GPC6: variants seen among roughly 807,000 people sequenced by gnomAD.
GPC6 encodes the protein glypican 6.
A neutral mutation model predicts 55.2 loss-of-function variants in GPC6; 14 were observed. The ratio of observed to expected loss-of-function variants is 0.25; its 90% CI spans 0.17 to 0.40. The LOEUF (loss-of-function observed/expected upper bound fraction) is 0.40. Among genes scored for constraint, GPC6 ranks in the 10% least tolerant of loss-of-function variants. GPC6 has a pLI of 1.00. For missense variants in GPC6, 641 were observed against 708.5 expected, an observed-to-expected ratio of 0.90 and a Z score of 1.08; for synonymous variants, 278 against 259.6, an observed-to-expected ratio of 1.07 and a Z score of -0.68.
intron 4 of GPC6, among the ~76,000 whole-genome samples, chr13:94,272,324 C>A (rs1453207331): frequency 6.6e-6 from 1 of 152,034 alleles, no homozygotes; most frequent in Non-Finnish European, 1.5e-5. Context: ...GGTTTATTAA[C>A]TTTTAGGGCA....
At chr13:94,188,619 A>C (rs553929658) in intron 4 of GPC6, among the ~76,000 whole-genome samples, 1 of 152,296 alleles carries the variant, frequency 6.6e-6, no homozygotes, top group South Asian at 2.1e-4. Context: ...GACGGGAGCC[A>C]TGGTGGATGC....
intron 2 of GPC6, among the ~76,000 whole-genome samples, chr13:93,564,072 T>C (rs571267126): frequency 1.8e-4 from 28 of 152,200 alleles, no homozygotes; most frequent in African/African-American, 6.7e-4. Flanking sequence ...TAGCTCACAT[T>C]TTTCACACAA....
intron 4 of GPC6, among the ~76,000 whole-genome samples, chr13:94,189,885 G>A (rs1205360025): frequency 2.0e-5 from 3 of 152,114 alleles, no homozygotes; most frequent in African/African-American, 7.2e-5. Context: ...GCCAGGCGTG[G>A]TGGCGGGCGC....
intron 1 of GPC6, among the ~76,000 whole-genome samples, chr13:93,473,525 G>A (rs1041475842): frequency 1.2e-4 from 18 of 152,216 alleles, no homozygotes; most frequent in Non-Finnish European, 1.5e-5. Context: ...CCCTGAGGGT[G>A]CAGAATCCAG....
Position 93,295,627 on chromosome 13 carries a change from C to T in GPC6, c.160+68011C>T, listed in dbSNP as rs536028921. ...TCCCAAGTAGCTGGGACTATAGGCG[C>T]CTGCTACTGCGCTCGGGTAATTTTT... On this transcript the variant is annotated intron_variant, in intron 1 of 8. Transcript: ENST00000377047. Among the ~76,000 whole-genome samples the T allele has an allele frequency of 3.9e-5, 6 of 151,952 alleles. No individual in the cohort carries two copies. In the East Asian group the frequency reaches 9.7e-4, roughly 25 times the overall value.
chr13:93,653,575 CGTGTGT>C (rs55845007), intron 2 of GPC6, among the ~76,000 whole-genome samples: 7,331 of 145,428 alleles, frequency 0.05, 346 homozygotes, highest in East Asian at 0.28. Context: ...AGTATATGGC[CGTGTGT>C]GTGTGTGTGT....
At chr13:93,608,827 A>G (rs1175168423) in intron 2 of GPC6, among the ~76,000 whole-genome samples, 1 of 152,304 alleles carries the variant, frequency 6.6e-6, no homozygotes, top group Admixed American at 6.5e-5. Flanking sequence ...CAATTCTGCA[A>G]ATGTCCCCAA....
intron 1 of GPC6, among the ~76,000 whole-genome samples, chr13:93,231,363 A>G (rs1447659691): frequency 8.8e-4 from 14 of 15,842 alleles, no homozygotes; most frequent in African/African-American, 3.3e-3. Context: ...ATATATACGT[A>G]TATATATATA....
chr13:94,187,422 A>G (rs1889237984), intron 4 of GPC6: 1 of 152,216 alleles, frequency 6.6e-6, no homozygotes, highest in South Asian at 2.1e-4. Flanking sequence ...GAGGCCACGT[A>G]ACCCAATATT....
intron 2 of GPC6, among the ~76,000 whole-genome samples, chr13:93,815,852 G>A (rs1886831692): frequency 6.6e-6 from 1 of 151,802 alleles, no homozygotes; most frequent in African/African-American, 2.4e-5. Context: ...ATTTTTTCCT[G>A]TTGATAGATT....
intron 3 of GPC6, among the ~76,000 whole-genome samples, chr13:93,920,689 T>C (rs1162162764): frequency 1.3e-5 from 2 of 152,192 alleles, no homozygotes; most frequent in African/African-American, 4.8e-5. Context: ...CTAATCCTCC[T>C]TCGTCTTCCC....
In GPC6 at chr13:93,542,336, A is replaced by G. The variant is rs1594250186; in HGVS notation, c.161-2927A>G. ...TTTGTCAAAGATCAGATAGTTGTAGATATGCGGCATTATTTCTGAGGGCTC... is the reference window on the plus strand; with the variant it reads ...TTTGTCAAAGATCAGATAGTTGTAGGTATGCGGCATTATTTCTGAGGGCTC... On this transcript the variant is annotated intron_variant, in intron 1 of 8. Coordinates refer to ENST00000377047, the MANE Select transcript of GPC6 (RefSeq NM_005708.5). Among the ~76,000 whole-genome samples the G allele has an allele frequency of 2.0e-5, 3 of 151,998 alleles. No homozygotes were observed. The South Asian group carries it at 6.2e-4, about 32-fold the overall frequency.
chr13:93,646,330 A>G (rs1313839941), intron 2 of GPC6, among the ~76,000 whole-genome samples: 1 of 152,160 alleles, frequency 6.6e-6, no homozygotes, highest in Non-Finnish European at 1.5e-5. Context: ...TTTTCATTAT[A>G]AAGTGAAGAC....
intron 4 of GPC6, among the ~76,000 whole-genome samples, chr13:94,206,437 T>A (rs1427763580): frequency 6.6e-6 from 1 of 152,214 alleles, no homozygotes; most frequent in African/African-American, 2.4e-5. Flanking sequence ...AATTTTCTAT[T>A]AAGATTAGCA....
In GPC6 at chr13:93,250,250, A is replaced by G. The variant is rs540989117; in HGVS notation, c.160+22634A>G. 2.5e-4 allele frequency among the ~76,000 whole-genome samples: 38 copies of G among 152,316 alleles called. 1 individual carries two copies. In the South Asian group the frequency reaches 7.5e-3, roughly 30 times the overall value. ...GCTGTACACATGCTTGTCAATTAAC[A>G]CAGAGTAGAGGAGGAAATAAATCTC... On this transcript the variant is annotated intron_variant, in intron 1 of 8. Coordinates refer to ENST00000377047, the MANE Select transcript of GPC6 (RefSeq NM_005708.5).
chr13:94,141,997 CGT>C (rs144672639), intron 4 of GPC6, among the ~76,000 whole-genome samples: 2 of 149,178 alleles, frequency 1.3e-5, no homozygotes, highest in South Asian at 2.1e-4. Flanking sequence ...TTTTTTTTTC[CGT>C]GTGTGTGTGT....
chr13:93,903,578 G>T (rs1415886072), intron 3 of GPC6, among the ~76,000 whole-genome samples: 2 of 152,118 alleles, frequency 1.3e-5, no homozygotes, highest in African/African-American at 2.4e-5. Context: ...GAGCATGAAA[G>T]ATCTGTGTTT....
At chr13:93,223,475 A>C (rs946764488), upstream of GPC6, among the ~76,000 whole-genome samples, 2 of 151,604 alleles carry the variant, frequency 1.3e-5, no homozygotes. Flanking sequence ...ACAGAGTCTC[A>C]CTCTTTCTCC....
intron 1 of GPC6, among the ~76,000 whole-genome samples, chr13:93,327,661 G>A (rs1429321491): frequency 2.0e-5 from 3 of 151,982 alleles, no homozygotes; most frequent in African/African-American, 7.2e-5. Flanking sequence ...TACAAGCACA[G>A]GCAAAATGCA....
Sources: gnomAD v4.1 joint callset for allele counts (sites outside exome capture counted in the v4.1 genomes callset) on GRCh38, gnomAD v4.1.1 for gene constraint, MANE v1.5 for transcripts, NCBI Gene and HGNC (gene_info 2026-07-23, HGNC 2026-07-21) for gene names.